R3HDM2: variants seen among roughly 807,000 people sequenced by gnomAD.
The protein encoded by R3HDM2 is R3H domain-containing protein 2.
In R3HDM2, 38 loss-of-function variants were observed where a neutral mutation model predicts 124.5. The observed-to-expected ratio is 0.31, with a 90% confidence interval of 0.24 to 0.40. The LOEUF is 0.40. Ranked by LOEUF, R3HDM2 falls within the 10% of genes least tolerant of loss-of-function variation. The probability of loss-of-function intolerance (pLI) is 1.00; values close to 1 mark genes in which losing one functional copy is unlikely to be tolerated. For synonymous variants in R3HDM2, 391 were observed against 448.0 expected (o/e 0.87, Z 1.61); for missense variants, 869 against 1,236.9 (o/e 0.70, Z 4.46).
intron 13 of R3HDM2, among the ~76,000 whole-genome samples, chr12:57,283,520 C>T (rs1278098341): frequency 6.6e-6 from 1 of 152,152 alleles, no homozygotes; most frequent in Non-Finnish European, 1.5e-5. Flanking sequence ...AGGCAGATCA[C>T]CTCAGGTCAG....
intron 2 of R3HDM2, among the ~76,000 whole-genome samples, chr12:57,341,794 GATATTT>G (rs1167915947): frequency 1.3e-5 from 2 of 152,144 alleles, no homozygotes; most frequent in Non-Finnish European, 2.9e-5. Flanking sequence ...CACAGTGAAG[GATATTT>G]ATAGGGGAAT....
At chr12:57,425,185 T>C (rs2139662360) in intron 1 of R3HDM2, among the ~76,000 whole-genome samples, 1 of 151,190 alleles carries the variant, frequency 6.6e-6, no homozygotes, top group South Asian at 2.1e-4. Context: ...GGCAGGAGAA[T>C]CACTTGAACC....
At chr12:57,424,617 A>G (rs2070538057) in intron 1 of R3HDM2, among the ~76,000 whole-genome samples, 1 of 152,318 alleles carries the variant, frequency 6.6e-6, no homozygotes, top group East Asian at 1.9e-4. Flanking sequence ...TGTTCCTCAT[A>G]AACAAAAACC....
intron 21 of R3HDM2, among the ~76,000 whole-genome samples, chr12:57,257,717 A>C (rs2136983976): frequency 6.6e-6 from 1 of 152,364 alleles, no homozygotes; most frequent in Middle Eastern, 3.4e-3. Flanking sequence ...TGGTCATTAG[A>C]AAGTTCAGTG....
chr12:57,280,336 C>T, intron 14 of R3HDM2, 22 bp downstream of exon 14: 1 of 1,605,872 alleles, frequency 6.2e-7, no homozygotes, highest in Non-Finnish European at 8.5e-7. Context: ...GGAGAGGACT[C>T]TGACACTGAG....
In R3HDM2 at chr12:57,335,811, C is replaced by G. The variant is rs895961501; in HGVS notation, c.-35-25348G>C. 3.3e-5 allele frequency among the ~76,000 whole-genome samples: 5 copies of G among 151,884 alleles called. No individual in the cohort carries two copies. In the East Asian group the frequency reaches 9.7e-4, roughly 29 times the overall value. On this transcript the variant is annotated intron_variant, in intron 2 of 23. Coordinates refer to ENST00000402412, the MANE Select transcript of R3HDM2 (RefSeq NM_001394031.1). ...AGCCAGGCATGGTGGCTCACCGTTGCAAACCCAGCAATTTGGGAAGCTGAA... is the reference window on the plus strand; with the variant it reads ...AGCCAGGCATGGTGGCTCACCGTTGGAAACCCAGCAATTTGGGAAGCTGAA...
At chr12:57,358,230 G>A (rs1593851832) in intron 2 of R3HDM2, among the ~76,000 whole-genome samples, 1 of 151,518 alleles carries the variant, frequency 6.6e-6, no homozygotes, top group South Asian at 2.1e-4. Context: ...CAAGTGATCC[G>A]CCCGCCTAGG....
chr12:57,414,458 C>T (rs1051241259), intron 1 of R3HDM2, among the ~76,000 whole-genome samples: 2 of 142,462 alleles, frequency 1.4e-5, no homozygotes, highest in African/African-American at 5.2e-5. Context: ...TCACTGCACT[C>T]CAGCCTGGGC....
chr12:57,340,238 T>A (rs1410934864), intron 2 of R3HDM2, among the ~76,000 whole-genome samples: 1 of 152,214 alleles, frequency 6.6e-6, no homozygotes, highest in East Asian at 1.9e-4. Context: ...CCTCAAAGGC[T>A]ATTCCTGTCC....
chr12:57,400,196 T>C (rs1566489272), intron 1 of R3HDM2, among the ~76,000 whole-genome samples: 2 of 152,062 alleles, frequency 1.3e-5, no homozygotes, highest in African/African-American at 4.8e-5. Context: ...TGTCCAACAA[T>C]GATAGACTGG....
intron 2 of R3HDM2, among the ~76,000 whole-genome samples, chr12:57,363,218 A>C (rs1292067537): frequency 1.3e-5 from 2 of 152,164 alleles, no homozygotes; most frequent in Non-Finnish European, 2.9e-5. Context: ...GGTGAATTCT[A>C]TCAGCTTTTG....
At chr12:57,272,309 G>A in intron 14 of R3HDM2, 2 of 712,408 alleles carry the variant, frequency 2.8e-6, no homozygotes, top group Non-Finnish European at 5.0e-6. Context: ...AGTTCAGCCT[G>A]TGCTGGTCCC....
Position 57,427,754 on chromosome 12 carries a change from T to C in R3HDM2, c.-106+2966A>G, listed in dbSNP as rs138809930. On this transcript the variant is annotated intron_variant, in intron 1 of 23. Transcript: ENST00000402412. The stretch of plus-strand genomic sequence containing the variant: ...AAAGGGGGATAGAGAGTTATGTAAA[T>C]GTGTATGCAGGAGGGGCTTTGCCAT... Among the ~76,000 whole-genome samples, 5 of 152,010 alleles carry C rather than the reference T, an allele frequency of 3.3e-5. No individual in the cohort carries two copies. The East Asian group carries it at 9.7e-4, about 30-fold the overall frequency.
intron 1 of R3HDM2, among the ~76,000 whole-genome samples, chr12:57,429,923 A>G (rs555456098): frequency 1.3e-5 from 2 of 152,290 alleles, no homozygotes; most frequent in African/African-American, 4.8e-5. Context: ...TCCTTCCTTG[A>G]GTCTCCACGT....
chr12:57,273,691 T>C (rs1746891528), intron 14 of R3HDM2, among the ~76,000 whole-genome samples: 1 of 152,174 alleles, frequency 6.6e-6, no homozygotes, highest in Non-Finnish European at 1.5e-5. Context: ...CCCACTCTAG[T>C]AGTGGAGAGG....
intron 2 of R3HDM2, among the ~76,000 whole-genome samples, chr12:57,362,230 C>A (rs2137622685): frequency 6.6e-6 from 1 of 152,322 alleles, no homozygotes; most frequent in East Asian, 1.9e-4. Flanking sequence ...CGTCTTCCAT[C>A]CCTGAGACAG....
At chr12:57,427,961 T>C (rs1238429293) in intron 1 of R3HDM2, among the ~76,000 whole-genome samples, 3 of 151,280 alleles carry the variant, frequency 2.0e-5, no homozygotes, top group African/African-American at 7.3e-5. Flanking sequence ...GTACTAAAAA[T>C]ACAAAAAAAT....
intron 2 of R3HDM2, among the ~76,000 whole-genome samples, chr12:57,358,482 C>CA (rs1389860482): frequency 6.6e-6 from 1 of 151,458 alleles, no homozygotes; most frequent in Non-Finnish European, 1.5e-5. Flanking sequence ...ACCAAAAATA[C>CA]AAAAAAATAA....
intron 3 of R3HDM2, among the ~76,000 whole-genome samples, chr12:57,306,055 G>C (rs906271735): frequency 1.3e-5 from 2 of 152,170 alleles, no homozygotes; most frequent in Non-Finnish European, 2.9e-5. Flanking sequence ...GTAGGAGTTG[G>C]AGGAGGTCAG....
Sources: gnomAD v4.1 joint callset for allele counts (sites outside exome capture counted in the v4.1 genomes callset) on GRCh38, gnomAD v4.1.1 for gene constraint, MANE v1.5 for transcripts, NCBI Gene and HGNC (gene_info 2026-07-23, HGNC 2026-07-21) for gene names.